Variants in SLC35D4 observed in about 807,000 individuals in gnomAD.
SLC35D4 encodes the protein solute carrier family 35 member D4.
the SLC35D4 span, among the ~76,000 whole-genome samples, chr18:23,312,967 A>T: frequency 6.6e-6 from 1 of 151,812 alleles, no homozygotes; most frequent in Non-Finnish European, 1.5e-5. Context: ...CTCTACTAAA[A>T]ATACAAAAAA....
chr18:23,357,017 A>G, the SLC35D4 span, among the ~76,000 whole-genome samples: 2 of 152,126 alleles, frequency 1.3e-5, no homozygotes, highest in African/African-American at 4.8e-5. Flanking sequence ...AGATTGCACA[A>G]CTCTTAAACA....
At chr18:23,422,049 T>C in the SLC35D4 span, among the ~76,000 whole-genome samples, 2 of 152,120 alleles carry the variant, frequency 1.3e-5, no homozygotes, top group Non-Finnish European at 2.9e-5. Context: ...TGCCTCTACA[T>C]TGATGATTCC....
the SLC35D4 span, among the ~76,000 whole-genome samples, chr18:23,329,465 T>C: frequency 6.6e-6 from 1 of 152,204 alleles, no homozygotes; most frequent in Non-Finnish European, 1.5e-5. Flanking sequence ...ATGCTCATCA[T>C]CACTGGTCAT....
At chr18:23,379,410 C>G in the SLC35D4 span, among the ~76,000 whole-genome samples, 1 of 152,150 alleles carries the variant, frequency 6.6e-6, no homozygotes, top group Non-Finnish European at 1.5e-5. Context: ...TGGCTTGAAC[C>G]ACCATGCCCA....
the SLC35D4 span, among the ~76,000 whole-genome samples, chr18:23,386,371 G>A: frequency 1.3e-5 from 2 of 152,058 alleles, no homozygotes; most frequent in Non-Finnish European, 2.9e-5. Flanking sequence ...GACCACAGAG[G>A]CAGAGACTGG....
At chr18:23,436,511 G>T in the SLC35D4 span, among the ~76,000 whole-genome samples, 2 of 152,096 alleles carry the variant, frequency 1.3e-5, no homozygotes, top group Admixed American at 1.3e-4. Flanking sequence ...ATCAACTGGA[G>T]GCCAGGCGCA....
At chr18:23,275,249 C>G in the SLC35D4 span, among the ~76,000 whole-genome samples, 2 of 152,126 alleles carry the variant, frequency 1.3e-5, no homozygotes, top group Non-Finnish European at 2.9e-5. Flanking sequence ...CTCACACGGC[C>G]AGGCTGCCAA....
the SLC35D4 span, among the ~76,000 whole-genome samples, chr18:23,343,237 T>C: frequency 6.6e-6 from 1 of 152,124 alleles, no homozygotes; most frequent in East Asian, 1.9e-4. Flanking sequence ...ATTATCATTT[T>C]ATTTATTTAT....
chr18:23,365,859 A>G, the SLC35D4 span, among the ~76,000 whole-genome samples: 2 of 152,162 alleles, frequency 1.3e-5, no homozygotes, highest in South Asian at 2.1e-4. Flanking sequence ...TGGCAAGAAG[A>G]TTGCCTCTTG....
At chr18:23,422,867 G>C in the SLC35D4 span, among the ~76,000 whole-genome samples, 1 of 152,084 alleles carries the variant, frequency 6.6e-6, no homozygotes, top group Non-Finnish European at 1.5e-5. Flanking sequence ...GAGAGGGACA[G>C]CTGCTTGCTC....
chr18:23,264,902 C>A, the SLC35D4 span, among the ~76,000 whole-genome samples: 9 of 152,152 alleles, frequency 5.9e-5, no homozygotes, highest in African/African-American at 2.2e-4. Context: ...ATCTCAGCCA[C>A]CCAAATTACC....
At chr18:23,422,126 GATT>G in the SLC35D4 span, among the ~76,000 whole-genome samples, 1 of 152,006 alleles carries the variant, frequency 6.6e-6, no homozygotes, top group African/African-American at 2.4e-5. Flanking sequence ...AGCTCTCAAT[GATT>G]ATTATTATTG....
At chr18:23,286,590 T>C in the SLC35D4 span, among the ~76,000 whole-genome samples, 1 of 151,844 alleles carries the variant, frequency 6.6e-6, no homozygotes, top group Non-Finnish European at 1.5e-5. Flanking sequence ...TTCAGGTAAC[T>C]CTCACAGTGG....
At chr18:23,289,369 G>A in the SLC35D4 span, among the ~76,000 whole-genome samples, 9 of 151,986 alleles carry the variant, frequency 5.9e-5, no homozygotes, top group African/African-American at 1.5e-4. Context: ...CTCTTATTCC[G>A]TTTAGTTTTT....
At chr18:23,245,634 C>G in the SLC35D4 span, among the ~76,000 whole-genome samples, 1 of 152,230 alleles carries the variant, frequency 6.6e-6, no homozygotes, top group African/African-American at 2.4e-5. Flanking sequence ...TACTCCCACT[C>G]TAGCCCTTCC....
the SLC35D4 span, among the ~76,000 whole-genome samples, chr18:23,363,275 T>C: frequency 6.7e-6 from 1 of 148,972 alleles, no homozygotes; most frequent in Admixed American, 6.7e-5. Context: ...AAAAAAGAAT[T>C]ATTCACCCAA....
chr18:23,411,493 GAAAGAAAGAAA>G, the SLC35D4 span, among the ~76,000 whole-genome samples: 3 of 128,348 alleles, frequency 2.3e-5, no homozygotes, highest in Admixed American at 2.5e-4. Context: ...TAGAAAGAAA[GAAAGAAAGAAA>G]GAAAGAAAGA....
the SLC35D4 span, among the ~76,000 whole-genome samples, chr18:23,354,345 CA>C: frequency 1.9e-4 from 19 of 99,122 alleles, no homozygotes; most frequent in South Asian, 7.5e-4. Context: ...ACTAAAAATA[CA>C]AAAAAAAAAA....
the SLC35D4 span, among the ~76,000 whole-genome samples, chr18:23,309,521 T>C: frequency 6.6e-6 from 1 of 152,122 alleles, no homozygotes; most frequent in East Asian, 1.9e-4. Context: ...ACAAGTTTTT[T>C]TTTTTTTAAA....
Sources: allele counts gnomAD v4.1 joint callset (sites outside exome capture counted in the v4.1 genomes callset), GRCh38; gene constraint gnomAD v4.1.1; transcripts MANE v1.5; gene names NCBI Gene and HGNC (gene_info 2026-07-23, HGNC 2026-07-21).